CLEC17A: variants seen among roughly 807,000 people sequenced by gnomAD.
CLEC17A encodes the protein C-type lectin domain containing 17A, also known as C-type lectin domain family 17, member A.
In CLEC17A, 37 loss-of-function variants were observed where a neutral mutation model predicts 61.3. The observed-to-expected ratio is 0.60, with a 90% CI of 0.46 to 0.79. The LOEUF (loss-of-function observed/expected upper bound fraction) is 0.79. CLEC17A is among the 30% of genes least tolerant of loss of function. The pLI is 0.00. For missense variants in CLEC17A, 418 were observed against 464.7 expected, an observed-to-expected ratio of 0.90 and a Z score of 0.92; for synonymous variants, 168 against 164.9, an observed-to-expected ratio of 1.02 and a Z score of -0.14.
chr19:14,607,210 T>A, intron 13 of CLEC17A, 108 bp downstream of exon 13: 2 of 155,416 alleles, frequency 1.3e-5, no homozygotes, highest in East Asian at 1.4e-4. Context: ...GAGCTGTTTC[T>A]TTTTTTTTTT....
intron 12 of CLEC17A, among the ~76,000 whole-genome samples, chr19:14,601,894 G>A (rs1380941016): frequency 1.3e-5 from 2 of 151,964 alleles, no homozygotes; most frequent in African/African-American, 4.8e-5. Flanking sequence ...CCGGGTTCAC[G>A]CCATTTTCCC....
intron 3 of CLEC17A, chr19:14,588,441 T>C (rs1424067270): frequency 6.6e-6 from 1 of 151,970 alleles, no homozygotes; most frequent in South Asian, 2.1e-4. Flanking sequence ...AGTTCTGGGC[T>C]ATTGTGAAGT....
rs750373272 is a variant in CLEC17A at position 14,607,102 on chromosome 19, G to A, written c.1004G>A (p.Ser335Asn). The change falls in exon 13 of 14, where the codon AGC (serine) becomes AAC (asparagine). Residue 335 changes from serine to asparagine, a missense_variant and splice_region_variant. Coordinates refer to ENST00000417570, the MANE Select transcript of CLEC17A (RefSeq NM_001204118.2). ...CTGGATGGGTCTCCTGTGACATTAAGGCAAGTGCTTGGGTTTCCTGGGGTC... is the reference window on the plus strand; with the variant it reads ...CTGGATGGGTCTCCTGTGACATTAAAGCAAGTGCTTGGGTTTCCTGGGGTC... ...RWLDGSPVTL[S>N]FWEPEEPNNI... 1.5e-5 allele frequency: 19 copies of A among 1,284,672 alleles called. No homozygotes were observed. The highest frequency in any genetic ancestry group is 1.6e-5 in the Non-Finnish European group (16 of 1,009,606). 79.6% of individuals were successfully genotyped at this position (1,284,672 alleles called of 1,614,324 possible).
chr19:14,604,678 G>T (rs1441902741), intron 12 of CLEC17A, among the ~76,000 whole-genome samples: 1 of 151,734 alleles, frequency 6.6e-6, no homozygotes, highest in East Asian at 2.0e-4. Flanking sequence ...CAGGAAAATC[G>T]CTTGAACCTG....
At chr19:14,587,101 C>G (rs1444582811) in intron 2 of CLEC17A, among the ~76,000 whole-genome samples, 31 of 151,886 alleles carry the variant, frequency 2.0e-4, no homozygotes. Context: ...GTTGGTTGCC[C>G]AGGCTGATCT....
chr19:14,600,299 T>C (rs574187340), intron 12 of CLEC17A, 117 bp downstream of exon 12: 5 of 1,252,274 alleles, frequency 4.0e-6, no homozygotes, highest in South Asian at 1.5e-5. Flanking sequence ...TTTCAGTTAC[T>C]AAAACTTTAA....
chr19:14,610,283 CGT>C lies in CLEC17A; in HGVS notation c.*89_*90del, dbSNP rs1329934489. 1 of 1,505,248 alleles carries C rather than the reference CGT, an allele frequency of 6.6e-7. No homozygotes were observed. The highest frequency in any genetic ancestry group is 8.9e-7 in the Non-Finnish European group (1 of 1,127,240). The allele number at this position is 1,505,248 out of a possible 1,614,324, so 93.2% of individuals were successfully genotyped here. On this transcript the variant is annotated 3_prime_UTR_variant, in exon 14 of 14. Transcript: ENST00000417570. ...CCTTTCGTGGACGGCCTTGCCTCTTCGTGAGTGGACACACAGATGTGCCTCAA... is the reference window on the plus strand; with the variant it reads ...CCTTTCGTGGACGGCCTTGCCTCTTCGAGTGGACACACAGATGTGCCTCAA...
At chr19:14,594,707 C>A (rs1425393662) in intron 6 of CLEC17A, 25 bp downstream of exon 6, 2 of 1,613,956 alleles carry the variant, frequency 1.2e-6, no homozygotes, top group Non-Finnish European at 1.7e-6. Flanking sequence ...TTGGAGTCTT[C>A]CTGCTCACCT....
Position 14,611,291 on chromosome 19 carries a change from A to T in CLEC17A, c.*1095A>T, listed in dbSNP as rs1321823266. On this transcript the variant is annotated 3_prime_UTR_variant, in exon 14 of 14. Transcript: ENST00000417570. ...ATTATTTTTGACCAGCAACTTTCTC[A>T]ATGTCTTGGGTGAGGTTTGCACAAG... 1 of 151,638 alleles carries T rather than the reference A, an allele frequency of 6.6e-6. No homozygotes were observed. Among genetic ancestry groups the T allele is most frequent in the Non-Finnish European group, 1.5e-5 (1 of 67,972 alleles). The allele number at this position is 151,638 out of a possible 1,614,324, so 9.4% of individuals were successfully genotyped here. A position where few individuals can be genotyped will look rare whatever the true frequency, so the allele number is the denominator to read the frequency against.
rs540425761 is a variant in CLEC17A, at chr19:14,612,019, A to T, written c.*1823A>T. On this transcript the variant is annotated 3_prime_UTR_variant, in exon 14 of 14. Transcript: ENST00000417570. ...ACTCCATCTCAAATAAATAAATAAA[A>T]ATAAAAATTCACTTTACTTCTGTGT... 4.4e-4 allele frequency among the ~76,000 whole-genome samples: 67 copies of T among 152,092 alleles called. No individual in the cohort carries two copies. The highest frequency in any genetic ancestry group is 1.0e-3 in the African/African-American group (43 of 41,504).
intron 13 of CLEC17A, among the ~76,000 whole-genome samples, chr19:14,607,420 G>C (rs991058564): frequency 2.6e-5 from 4 of 151,670 alleles, no homozygotes; most frequent in African/African-American, 7.2e-5. Context: ...AGCCAGGATG[G>C]TCTTGATCTC....
chr19:14,599,813 G>GT lies in CLEC17A; in HGVS notation c.742+2dup. The GT allele has an allele frequency of 6.2e-7, 1 of 1,612,122 alleles. No individual in the cohort carries two copies. Among genetic ancestry groups the GT allele is most frequent in the Non-Finnish European group, 8.5e-7 (1 of 1,178,576 alleles). On this transcript the variant is annotated splice_donor_variant, in intron 11 of 13. Coordinates refer to ENST00000417570, the MANE Select transcript of CLEC17A (RefSeq NM_001204118.2). LOFTEE classifies it high-confidence loss of function. ...CTGGTGGAACTTTGGGGCTTATTAG[G>GT]TAAGTGAGACTTGGGGAATTGCCCA...
chr19:14,592,565 G>A (rs117227566), intron 4 of CLEC17A, among the ~76,000 whole-genome samples: 2,737 of 152,318 alleles, frequency 0.018, 35 homozygotes, highest in Middle Eastern at 0.048. Flanking sequence ...AGGGTTGAGA[G>A]AGGAAGGGTC....
intron 2 of CLEC17A, among the ~76,000 whole-genome samples, chr19:14,585,034 G>C (rs546941448): frequency 6.6e-6 from 1 of 151,384 alleles, no homozygotes; most frequent in African/African-American, 2.4e-5. Context: ...ATCCTGAAAC[G>C]CAACTGTTTT....
upstream of CLEC17A, among the ~76,000 whole-genome samples, chr19:14,581,144 C>G (rs958519954): frequency 6.6e-6 from 1 of 152,150 alleles, no homozygotes; most frequent in African/African-American, 2.4e-5. Context: ...TCCCCATGGG[C>G]CTGATGAATG....
At chr19:14,597,587 C>T (rs1386039032) in intron 10 of CLEC17A, among the ~76,000 whole-genome samples, 2 of 152,054 alleles carry the variant, frequency 1.3e-5, no homozygotes, top group African/African-American at 4.8e-5. Flanking sequence ...AAAAATTAGC[C>T]GGGTGTGGTG....
chr19:14,590,811 C>T (rs71334724), intron 3 of CLEC17A, among the ~76,000 whole-genome samples: 27 of 151,764 alleles, frequency 1.8e-4, no homozygotes, highest in South Asian at 4.2e-4. Flanking sequence ...CTCAGTCTCC[C>T]GATAGCTGGG....
At chr19:14,593,260 T>A (rs1202804023) in intron 4 of CLEC17A, among the ~76,000 whole-genome samples, 1 of 148,706 alleles carries the variant, frequency 6.7e-6, no homozygotes, top group East Asian at 2.0e-4. Flanking sequence ...GAGGATCACT[T>A]AGCCATGAGT....
At chr19:14,604,192 T>A (rs1303652557) in intron 12 of CLEC17A, among the ~76,000 whole-genome samples, 11 of 152,176 alleles carry the variant, frequency 7.2e-5, no homozygotes. Context: ...CCTGGGGCTT[T>A]ACCCAGGAAA....
Sources: allele counts gnomAD v4.1 joint callset (sites outside exome capture counted in the v4.1 genomes callset), GRCh38; gene constraint gnomAD v4.1.1; transcripts MANE v1.5; gene names NCBI Gene and HGNC (gene_info 2026-07-23, HGNC 2026-07-21).